Variants in CCL5 observed in about 807,000 individuals in gnomAD.
CCL5 encodes C-C motif chemokine 5.
A neutral mutation model predicts 9.0 loss-of-function variants in CCL5; 5 were observed. The observed-to-expected ratio is 0.55, with a 90% CI of 0.29 to 1.16. The LOEUF (loss-of-function observed/expected upper bound fraction) is 1.16. CCL5 is among the 50% of genes most tolerant of loss of function. CCL5 has a pLI of 0.08. For missense variants in CCL5, 183 were observed against 183.2 expected (o/e 1.00, Z 0.01); for synonymous variants, 66 against 72.0 (o/e 0.92, Z 0.42).
At chr17:35,873,607 C>A (rs761938252) in intron 3 of CCL5, among the ~76,000 whole-genome samples, 7 of 152,240 alleles carry the variant, frequency 4.6e-5, no homozygotes, top group Non-Finnish European at 1.5e-5. Context: ...CTTGAGTCTT[C>A]ATTTCACCAT....
intron 3 of CCL5, among the ~76,000 whole-genome samples, chr17:35,874,791 T>G (rs1256423664): frequency 6.6e-6 from 1 of 152,136 alleles, no homozygotes; most frequent in African/African-American, 2.4e-5. Context: ...TTTTGTATTT[T>G]TAGTAGATAC....
Position 35,871,950 on chromosome 17 carries a change from C to T in CCL5, c.*320G>A, listed in dbSNP as rs920329967. The T allele has an allele frequency of 3.9e-5, 5 of 129,520 alleles. No individual in the cohort carries two copies. Among genetic ancestry groups the T allele is most frequent in the African/African-American group, 1.5e-4 (5 of 33,710 alleles). 8.0% of individuals were successfully genotyped at this position (129,520 alleles called of 1,614,324 possible). A position where few individuals can be genotyped will look rare whatever the true frequency, so the allele number is the denominator to read the frequency against. ...TTTTTTTTTTTTTTTGAGACGGAGT[C>T]TCGCTCTGTCGCCCAGGCTGGAGTG... On this transcript the variant is annotated 3_prime_UTR_variant, in exon 4 of 4. Transcript: ENST00000651122.
rs1407443936 is a variant in CCL5, at chr17:35,880,282, G to C, written c.24C>G (p.Leu8=). The C allele has an allele frequency of 1.2e-6, 2 of 1,613,384 alleles. No homozygotes were observed. The highest frequency in any genetic ancestry group is 1.7e-6 in the Non-Finnish European group (2 of 1,179,736). ...GGGCAGTAGCAATGAGGATGACAGC[G>C]AGGGCTGCCGCGGAGACCTTCATGG... Residue 8 remains leucine (L), a synonymous_variant, in exon 1 of 4, where the codon CTC becomes CTG. Coordinates refer to ENST00000651122, the MANE Select transcript of CCL5 (RefSeq NM_001278736.2).
intron 1 of CCL5, 44 bp from the exon 2 acceptor site, chr17:35,878,683 A>G (rs748088736): frequency 8.5e-5 from 95 of 1,118,052 alleles, no homozygotes; most frequent in Admixed American, 1.3e-4. Flanking sequence ...ATTCATTGCT[A>G]CTGCACACTT....
At chr17:35,872,957 T>G (rs2088391981) in intron 3 of CCL5, among the ~76,000 whole-genome samples, 1 of 151,698 alleles carries the variant, frequency 6.6e-6, no homozygotes, top group Non-Finnish European at 1.5e-5. Context: ...TGGCACGATC[T>G]CAGCTCACTG....
At chr17:35,878,460 T>C (rs925199061) in intron 2 of CCL5, 68 bp downstream of exon 2, 1 of 1,046,460 alleles carries the variant, frequency 9.6e-7, no homozygotes, top group Non-Finnish European at 1.5e-6. Flanking sequence ...TGGAAGTGGG[T>C]AGGGCATCCT....
chr17:35,875,663 G>T, intron 2 of CCL5: 1 of 966,410 alleles, frequency 1.0e-6, no homozygotes, highest in Non-Finnish European at 1.2e-6. Flanking sequence ...AAAAGGCCAG[G>T]AAAACAATAC....
At chr17:35,877,092 T>A (rs532564376) in intron 2 of CCL5, among the ~76,000 whole-genome samples, 26 of 152,346 alleles carry the variant, frequency 1.7e-4, no homozygotes, top group African/African-American at 6.0e-4. Flanking sequence ...TGAAAAATAT[T>A]TGTTTTCAGA....
Position 35,880,223 on chromosome 17 carries a change from G to C in CCL5, c.76+7C>G, listed in dbSNP as rs767698279. ...CAGGGGCTGTGGTGGTCAAGACCAG[G>C]ACTTACATGGGGAGGCAGATGCAGG... On this transcript the variant is annotated splice_region_variant and intron_variant, in intron 1 of 3. Transcript: ENST00000651122. 1 of 1,613,124 alleles carries C rather than the reference G, an allele frequency of 6.2e-7. No homozygotes were observed. The highest frequency in any genetic ancestry group is 8.5e-7 in the Non-Finnish European group (1 of 1,179,282).
Position 35,871,982 on chromosome 17 carries a change from C to T in CCL5, c.*288G>A, listed in dbSNP as rs1385412828. ...TGTCGCCCAGGCTGGAGTGCAGTGG[C>T]GCGATCTCGGCTCACTGCAAGCTCC... On this transcript the variant is annotated 3_prime_UTR_variant, in exon 4 of 4. Transcript: ENST00000651122. The T allele has an allele frequency of 4.5e-5, 6 of 133,812 alleles. No homozygotes were observed. Among genetic ancestry groups the T allele is most frequent in the East Asian group, 2.2e-4 (1 of 4,566 alleles). The allele number at this position is 133,812 out of a possible 1,614,324, so 8.3% of individuals were successfully genotyped here. A position where few individuals can be genotyped will look rare whatever the true frequency, so the allele number is the denominator to read the frequency against.
At position 35,872,381 on chromosome 17, in the gene CCL5, C is replaced by T. The variant is rs1429023605; in HGVS notation, c.354G>A (p.Glu118=). The change falls in exon 4 of 4, where the codon GAG becomes GAA. Residue 118 remains glutamate (E), a synonymous_variant. Transcript: ENST00000651122. ...CAGGTTCAAGGACTCTCCATCCTAGCTCATCTCCAAAGAGTTGATGTACTC... is the reference window on the plus strand; with the variant it reads ...CAGGTTCAAGGACTCTCCATCCTAGTTCATCTCCAAAGAGTTGATGTACTC... The T allele has an allele frequency of 6.2e-7, 1 of 1,613,636 alleles. No homozygotes were observed. Among genetic ancestry groups the T allele is most frequent in the Non-Finnish European group, 8.5e-7 (1 of 1,179,938 alleles).
chr17:35,878,758 T>G, intron 1 of CCL5, 119 bp from the exon 2 acceptor site: 1 of 658,668 alleles, frequency 1.5e-6, no homozygotes, highest in East Asian at 2.9e-5. Context: ...TGACAGAAAC[T>G]GAGGCTCAGA....
At chr17:35,879,973 C>T (rs2088494758) in intron 1 of CCL5, among the ~76,000 whole-genome samples, 2 of 152,154 alleles carry the variant, frequency 1.3e-5, no homozygotes, top group Non-Finnish European at 2.9e-5. Context: ...CAGTGAACAC[C>T]TGTAGGCCTT....
chr17:35,871,925 T>A lies in CCL5; in HGVS notation c.*345A>T, dbSNP rs2088369990. The A allele has an allele frequency of 7.0e-6, 1 of 141,938 alleles. No individual in the cohort carries two copies. Among genetic ancestry groups the A allele is most frequent in the Non-Finnish European group, 1.5e-5 (1 of 65,066 alleles). The allele number at this position is 141,938 out of a possible 1,614,324, so 8.8% of individuals were successfully genotyped here. A position where few individuals can be genotyped will look rare whatever the true frequency, so the allele number is the denominator to read the frequency against. Reference sequence around the variant, plus strand: ...CCCGGCTAATTTTTGTATTTTTTTTTTTTTTTTTTTTTTTGAGACGGAGTC... The same window carrying A: ...CCCGGCTAATTTTTGTATTTTTTTTATTTTTTTTTTTTTTGAGACGGAGTC... On this transcript the variant is annotated 3_prime_UTR_variant, in exon 4 of 4. Coordinates refer to ENST00000651122, the MANE Select transcript of CCL5 (RefSeq NM_001278736.2).
chr17:35,872,529 G>A (rs1168222867), intron 3 of CCL5, 65 bp from the exon 3 acceptor site: 6 of 1,316,132 alleles, frequency 4.6e-6, no homozygotes, highest in Non-Finnish European at 6.6e-6. Flanking sequence ...CAGTTTGGGG[G>A]ATGAAGTGGA....
At chr17:35,879,635 C>CAAAAAAAAAA in intron 1 of CCL5, among the ~76,000 whole-genome samples, 1 of 48,670 alleles carries the variant, frequency 2.1e-5, no homozygotes, top group Non-Finnish European at 4.4e-5. Context: ...GACTCCATCT[C>CAAAAAAAAAA]AAAAAAAAAA....
At chr17:35,875,703 T>G (rs1218923651) in intron 2 of CCL5, 6 of 687,678 alleles carry the variant, frequency 8.7e-6, no homozygotes, top group Non-Finnish European at 1.1e-5. Context: ...GGCCTCCATT[T>G]CCTGCCCCCA....
At chr17:35,875,535 G>A (rs2144025339) in intron 3 of CCL5, 2 of 933,712 alleles carry the variant, frequency 2.1e-6, no homozygotes, top group Non-Finnish European at 2.6e-6. Flanking sequence ...CTTATTTAGG[G>A]TGGTGTGAGA....
In CCL5 at chr17:35,872,205, G is replaced by C; in HGVS notation, c.*65C>G. 1.6e-6 allele frequency: 2 copies of C among 1,244,350 alleles called. No individual in the cohort carries two copies. The highest frequency in any genetic ancestry group is 2.1e-6 in the Non-Finnish European group (2 of 934,974). 77.1% of individuals were successfully genotyped at this position (1,244,350 alleles called of 1,614,324 possible). On this transcript the variant is annotated 3_prime_UTR_variant, in exon 4 of 4. Transcript: ENST00000651122. ...CCCAAAGTGCTGGGATTACAGGCGT[G>C]AGCCACCACGTCCAGCCTGGGGAAG...
Sources: gnomAD v4.1 joint callset for allele counts (sites outside exome capture counted in the v4.1 genomes callset) on GRCh38, gnomAD v4.1.1 for gene constraint, MANE v1.5 for transcripts, NCBI Gene and HGNC (gene_info 2026-07-23, HGNC 2026-07-21) for gene names.